ZNF468: variants seen among roughly 807,000 people sequenced by gnomAD.
The protein encoded by ZNF468 is zinc finger protein ZNF468.
In ZNF468, 8 loss-of-function variants were observed where a neutral mutation model predicts 7.2. The ratio of observed to expected loss-of-function variants is 1.11; its 90% CI spans 0.65 to 2.01. The LOEUF (loss-of-function observed/expected upper bound fraction) is 2.01, where lower values mean the gene tolerates loss of function less well. Ranked by LOEUF, ZNF468 falls within the 30% of genes most tolerant of loss-of-function variation. ZNF468 has a pLI of 0.00. For missense variants in ZNF468, 608 were observed against 626.5 expected (o/e 0.97, Z 0.31); for synonymous variants, 218 against 214.4 (o/e 1.02, Z -0.15).
chr19:52,856,120 C>T (rs1298686026), intron 1 of ZNF468, among the ~76,000 whole-genome samples: 23 of 152,258 alleles, frequency 1.5e-4, no homozygotes, highest in Non-Finnish European at 3.4e-4. Context: ...GAAAATCACA[C>T]TAACATTTAT....
intron 3 of ZNF468, among the ~76,000 whole-genome samples, chr19:52,848,660 C>T (rs2063358860): frequency 6.6e-6 from 1 of 152,088 alleles, no homozygotes; most frequent in Non-Finnish European, 1.5e-5. Flanking sequence ...AAGTGATTCT[C>T]TTTACTCAGC....
rs2147720514 is a variant in ZNF468 at position 52,839,434 on chromosome 19, T to C, written c.*1291A>G. The C allele has an allele frequency of 2.5e-6, 1 of 396,634 alleles. No homozygotes were observed. The highest frequency in any genetic ancestry group is 5.0e-6 in the Non-Finnish European group (1 of 198,070). The allele number at this position is 396,634 out of a possible 1,614,324, so 24.6% of individuals were successfully genotyped here. The stretch of plus-strand genomic sequence containing the variant: ...CTTAACATAAACAGTTTAATGGCAA[T>C]TAATGCTTGAAATCAATGTTAAATC... On this transcript the variant is annotated 3_prime_UTR_variant, in exon 4 of 4. Transcript: ENST00000595646.
At chr19:52,845,180 T>TG (rs2147731611) in intron 3 of ZNF468, 1 of 151,964 alleles carries the variant, frequency 6.6e-6, no homozygotes, top group South Asian at 2.1e-4. Flanking sequence ...GGCACTCACC[T>TG]GTAGTCCCAG....
intron 2 of ZNF468, among the ~76,000 whole-genome samples, chr19:52,852,507 C>T (rs2063398437): frequency 6.6e-6 from 1 of 151,746 alleles, no homozygotes. Flanking sequence ...AACACCGTCT[C>T]TAGTAAAAAT....
At chr19:52,853,818 A>G (rs1389321191) in intron 2 of ZNF468, 18 of 1,178,910 alleles carry the variant, frequency 1.5e-5, no homozygotes, top group Non-Finnish European at 1.9e-5. Flanking sequence ...AAAATGTGGT[A>G]TAAAATCAGG....
rs191077182 is a variant in ZNF468, at chr19:52,839,550, A to G, written c.*1175T>C. The G allele has an allele frequency of 3.4e-3, 1,744 of 506,298 alleles. 12 individuals are homozygous for G. The highest frequency in any genetic ancestry group is 6.1e-3 in the Middle Eastern group (18 of 2,962). The allele number at this position is 506,298 out of a possible 1,614,324, so 31.4% of individuals were successfully genotyped here. ...ACTGCATTTGAAACAACTGTCTCCA[A>G]AAGGAATTGTCTGATGGTCTGCAAG... On this transcript the variant is annotated 3_prime_UTR_variant, in exon 4 of 4. Coordinates refer to ENST00000595646, the MANE Select transcript of ZNF468 (RefSeq NM_001008801.2).
Position 52,841,484 on chromosome 19 carries a change from A to G in ZNF468, c.810T>C (p.Pro270=). ...TCTTGCCACACTCATTACACTTGTA[A>G]GGTTTCTCACCAGTGTGACATCTAC... ...CHRRCHTGEK[P]YKCNECGKTF... Residue 270 remains proline (P), a synonymous_variant, in exon 4 of 4, where the codon CCT becomes CCC. Transcript: ENST00000595646. The G allele has an allele frequency of 6.2e-7, 1 of 1,614,140 alleles. No individual in the cohort carries two copies. The highest frequency in any genetic ancestry group is 1.7e-5 in the Admixed American group (1 of 60,018).
chr19:52,854,544 G>C (rs1319211633), intron 1 of ZNF468, among the ~76,000 whole-genome samples, 199 bp from the exon 2 acceptor site: 2 of 152,146 alleles, frequency 1.3e-5, no homozygotes, highest in Non-Finnish European at 2.9e-5. Context: ...GCAGTGGGGA[G>C]CTGGGCTGGG....
In ZNF468 at chr19:52,841,604, TAA is replaced by T. The variant is rs1568674582; in HGVS notation, c.688_689del (p.Leu230LysfsTer14). The stretch of plus-strand genomic sequence containing the variant: ...CTAAGTGAATTATCTGATGTTTTTT[TAA>T]GAGTGAGCTGCAATTAAAGGATTTG... ...SFKSFNCSSL[L>X]KKHQIIHLEE... is the part of the protein sequence containing the mutation. On this transcript the variant is annotated frameshift_variant, in exon 4 of 4. Coordinates refer to ENST00000595646, the MANE Select transcript of ZNF468 (RefSeq NM_001008801.2). LOFTEE classifies it low-confidence loss of function (END_TRUNC). The T allele has an allele frequency of 1.2e-6, 2 of 1,614,110 alleles. No individual in the cohort carries two copies. The highest frequency in any genetic ancestry group is 1.7e-5 in the Admixed American group (1 of 60,008).
At chr19:52,855,811 G>T (rs138276761) in intron 1 of ZNF468, among the ~76,000 whole-genome samples, 2,198 of 145,958 alleles carry the variant, frequency 0.015, no homozygotes, top group Middle Eastern at 0.022. Context: ...ATCATTTCAG[G>T]GGTCAGGATC....
rs969881209 is a variant in ZNF468, at chr19:52,838,454, C to T, written c.*2271G>A. On this transcript the variant is annotated 3_prime_UTR_variant, in exon 4 of 4. Coordinates refer to ENST00000595646, the MANE Select transcript of ZNF468 (RefSeq NM_001008801.2). The stretch of plus-strand genomic sequence containing the variant: ...GGATCTCACATGATGCAAGAATGCT[C>T]TCACCCCTTCTATTCAATCAATACT... The T allele has an allele frequency of 1.3e-5, 2 of 152,256 alleles. 1 individual carries two copies. Among genetic ancestry groups the T allele is most frequent in the South Asian group, 4.1e-4 (2 of 4,820 alleles). The allele number at this position is 152,256 out of a possible 1,614,324, so 9.4% of individuals were successfully genotyped here.
At chr19:52,855,567 T>A (rs541857865) in intron 1 of ZNF468, among the ~76,000 whole-genome samples, 1 of 152,308 alleles carries the variant, frequency 6.6e-6, no homozygotes, top group Admixed American at 6.5e-5. Context: ...GGTGGAGGGT[T>A]CCCTGCCAGG....
Position 52,841,597 on chromosome 19 carries a change from GT to G in ZNF468, c.696del (p.Lys232AsnfsTer4). ...TTCTCTTCTAAGTGAATTATCTGAT[GT>G]TTTTTTAAGAGTGAGCTGCAATTAA... ...KSFNCSSLLK[K>X]HQIIHLEEKQ... On this transcript the variant is annotated frameshift_variant, in exon 4 of 4. Transcript: ENST00000595646. LOFTEE classifies it low-confidence loss of function (END_TRUNC). 6.2e-7 allele frequency: 1 copy of G among 1,613,906 alleles called. No individual in the cohort carries two copies. Among genetic ancestry groups the G allele is most frequent in the East Asian group, 2.2e-5 (1 of 44,854 alleles).
At chr19:52,854,110 A>G in intron 2 of ZNF468, 148 bp downstream of exon 2, 1 of 1,568,072 alleles carries the variant, frequency 6.4e-7, no homozygotes, top group Non-Finnish European at 8.7e-7. Flanking sequence ...GACGGAACCT[A>G]AGCGAGATGA....
In ZNF468 at chr19:52,840,922, G is replaced by C. The variant is rs139389670; in HGVS notation, c.1372C>G (p.Gln458Glu). The C allele has an allele frequency of 5.9e-4, 952 of 1,613,752 alleles. 9 individuals carry two copies. The African/African-American group carries it at 0.011, about 19-fold the overall frequency. Residue 458 changes from glutamine (Q) to glutamate (E), a missense_variant, in exon 4 of 4, where the codon CAG becomes GAG. Transcript: ENST00000595646. ...GGTTTCTCTCCAGTATGAACTCTCT[G>C]ATGTTGTGCCAGGTGTGAATCCCTC... ...FQRDSHLAQH[Q>E]RVHTGEKPYK...
intron 2 of ZNF468, chr19:52,853,981 C>T (rs2063413584): frequency 3.4e-6 from 5 of 1,468,106 alleles, no homozygotes; most frequent in South Asian, 2.8e-5. Context: ...ATCCCTGCTG[C>T]CCAAGAGCAC....
Position 52,840,223 on chromosome 19 carries a change from G to A in ZNF468, c.*502C>T. On this transcript the variant is annotated 3_prime_UTR_variant, in exon 4 of 4. Coordinates refer to ENST00000595646, the MANE Select transcript of ZNF468 (RefSeq NM_001008801.2). ...CGTTTGTAAGATTTCTATGCAGTAT[G>A]AAGTCTATGATGACTTGCAAGGTGT... 1 of 391,666 alleles carries A rather than the reference G, an allele frequency of 2.6e-6. No homozygotes were observed. Among genetic ancestry groups the A allele is most frequent in the South Asian group, 2.2e-5 (1 of 46,258 alleles). 24.3% of individuals were successfully genotyped at this position (391,666 alleles called of 1,614,324 possible). A position where few individuals can be genotyped will look rare whatever the true frequency, so the allele number is the denominator to read the frequency against.
intron 3 of ZNF468, among the ~76,000 whole-genome samples, chr19:52,847,005 AAAAGAAAG>A (rs143015861): frequency 2.0e-5 from 3 of 152,028 alleles, no homozygotes; most frequent in East Asian, 3.9e-4. Flanking sequence ...TGTCATAAAA[AAAAGAAAG>A]AAAGAAAGTA....
intron 2 of ZNF468, 124 bp from the exon 3 acceptor site, chr19:52,849,337 T>A: frequency 6.5e-7 from 1 of 1,547,020 alleles, no homozygotes; most frequent in South Asian, 1.2e-5. Flanking sequence ...CAAATCCAAA[T>A]AAGGGATTTC....
Sources: gnomAD v4.1 joint callset for allele counts (sites outside exome capture counted in the v4.1 genomes callset) on GRCh38, gnomAD v4.1.1 for gene constraint, MANE v1.5 for transcripts, NCBI Gene and HGNC (gene_info 2026-07-23, HGNC 2026-07-21) for gene names.